The following EPHA6 variants were observed in gnomAD, a reference collection of about 807,000 sequenced individuals.
EPHA6 encodes ephrin type-A receptor 6.
EPHA6 carries 50 observed loss-of-function variants against 112.0 expected under a neutral mutation model. The observed-to-expected ratio is 0.45, with a 90% CI of 0.36 to 0.56. The LOEUF (loss-of-function observed/expected upper bound fraction) is 0.56, where lower values mean the gene tolerates loss of function less well. Ranked by LOEUF, EPHA6 falls within the 20% of genes least tolerant of loss-of-function variation. EPHA6 has a pLI of 0.00. For synonymous variants in EPHA6, 529 were observed against 490.7 expected (o/e 1.08, Z -1.03); for missense variants, 1,280 against 1,417.4 (o/e 0.90, Z 1.56).
intron 14 of EPHA6, among the ~76,000 whole-genome samples, chr3:97,660,162 A>G (rs542598703): frequency 6.6e-6 from 1 of 152,212 alleles, no homozygotes; most frequent in South Asian, 2.1e-4. Flanking sequence ...TGTAACAACC[A>G]TATATAATAG....
intron 2 of EPHA6, among the ~76,000 whole-genome samples, chr3:96,974,949 G>T (rs1157252771): frequency 6.6e-6 from 1 of 152,116 alleles, no homozygotes; most frequent in Non-Finnish European, 1.5e-5. Flanking sequence ...CCCAGAGAGG[G>T]GGTCAGTGCA....
At chr3:97,207,065 C>A (rs2077733164) in intron 3 of EPHA6, among the ~76,000 whole-genome samples, 1 of 151,982 alleles carries the variant, frequency 6.6e-6, no homozygotes, top group African/African-American at 2.4e-5. Context: ...GTGTATATTA[C>A]AATTTGCAAA....
At chr3:97,611,303 T>C (rs961395445) in intron 13 of EPHA6, among the ~76,000 whole-genome samples, 2 of 151,894 alleles carry the variant, frequency 1.3e-5, no homozygotes, top group African/African-American at 4.8e-5. Flanking sequence ...TTCTATCAAC[T>C]TTGTCCTTCT....
At chr3:97,059,815 C>A (rs974241758) in intron 3 of EPHA6, among the ~76,000 whole-genome samples, 1 of 151,200 alleles carries the variant, frequency 6.6e-6, no homozygotes, top group Non-Finnish European at 1.5e-5. Context: ...TGAGCATATC[C>A]ATAGTAAAAT....
chr3:96,937,172 G>A (rs1177715163), intron 2 of EPHA6, among the ~76,000 whole-genome samples: 1 of 152,254 alleles, frequency 6.6e-6, no homozygotes, highest in African/African-American at 2.4e-5. Context: ...CTAGATCCCT[G>A]AGGAATCGCC....
intron 7 of EPHA6, among the ~76,000 whole-genome samples, chr3:97,461,487 A>C (rs1310011834): frequency 6.6e-6 from 1 of 152,136 alleles, no homozygotes; most frequent in African/African-American, 2.4e-5. Flanking sequence ...TTAACAACAG[A>C]AGAGTATCCA....
rs377271675 is a variant in EPHA6 at position 97,646,193 on chromosome 3, C to T, written c.2784+8111C>T. 13 of 1,535,408 alleles carry T rather than the reference C, an allele frequency of 8.5e-6. No individual in the cohort carries two copies. In the African/African-American group the frequency reaches 1.1e-4, roughly 13 times the overall value. On this transcript the variant is annotated intron_variant, in intron 14 of 17. Coordinates refer to ENST00000389672, the MANE Select transcript of EPHA6 (RefSeq NM_001080448.3). Reference sequence around the variant, plus strand: ...GTCTGGAAAGCTTGTGTGAGCAGTGCGAGTCCAGCTCTGGTTATGGTACTG... The same window carrying T: ...GTCTGGAAAGCTTGTGTGAGCAGTGTGAGTCCAGCTCTGGTTATGGTACTG...
chr3:97,191,721 T>C (rs1035498816), intron 3 of EPHA6, among the ~76,000 whole-genome samples: 2 of 152,166 alleles, frequency 1.3e-5, no homozygotes, highest in African/African-American at 2.4e-5. Context: ...TATTCATCTG[T>C]TACCATTAAC....
intron 12 of EPHA6, among the ~76,000 whole-genome samples, chr3:97,604,550 G>A (rs1015753394): frequency 2.0e-5 from 3 of 151,486 alleles, no homozygotes; most frequent in African/African-American, 4.8e-5. Flanking sequence ...TAATACAGAA[G>A]CAGATACCTA....
intron 14 of EPHA6, among the ~76,000 whole-genome samples, chr3:97,663,914 T>A (rs2094187842): frequency 1.3e-5 from 2 of 152,178 alleles, no homozygotes; most frequent in African/African-American, 4.8e-5. Flanking sequence ...TGCCACACCG[T>A]CTTCCACAAT....
intron 6 of EPHA6, among the ~76,000 whole-genome samples, chr3:97,408,617 A>T (rs2087516110): frequency 6.6e-6 from 1 of 152,062 alleles, no homozygotes. Context: ...AGGCTCCAGA[A>T]GCTTTGGCAT....
At chr3:96,946,428 C>T (rs542918343) in intron 2 of EPHA6, among the ~76,000 whole-genome samples, 1 of 150,040 alleles carries the variant, frequency 6.7e-6, no homozygotes, top group Admixed American at 6.7e-5. Context: ...TGCGGTGTTT[C>T]GTTTTTTGTT....
chr3:97,219,894 C>A (rs554505892), intron 3 of EPHA6, among the ~76,000 whole-genome samples: 1 of 152,192 alleles, frequency 6.6e-6, no homozygotes, highest in South Asian at 2.1e-4. Context: ...AATTTCAAAC[C>A]ATCTCTTTGT....
intron 11 of EPHA6, chr3:97,570,012 C>T (rs745600810): frequency 2.0e-5 from 3 of 152,116 alleles, no homozygotes; most frequent in Non-Finnish European, 2.9e-5. Context: ...AAATTTCTCA[C>T]GTGTAGAATC....
At chr3:97,596,051 G>A (rs562119067) in intron 12 of EPHA6, among the ~76,000 whole-genome samples, 7 of 151,736 alleles carry the variant, frequency 4.6e-5, no homozygotes, top group East Asian at 2.0e-4. Flanking sequence ...GACTACAGGC[G>A]CCCGCCACCG....
intron 6 of EPHA6, among the ~76,000 whole-genome samples, chr3:97,417,037 G>T (rs1349287618): frequency 6.6e-6 from 1 of 151,902 alleles, no homozygotes; most frequent in East Asian, 1.9e-4. Context: ...ATATTAGTTT[G>T]GAATGAATCC....
At chr3:97,219,523 A>G (rs898378561) in intron 3 of EPHA6, among the ~76,000 whole-genome samples, 7 of 152,194 alleles carry the variant, frequency 4.6e-5, no homozygotes, top group Admixed American at 6.5e-5. Context: ...CTGAAGCAAT[A>G]GCCCAAGCTG....
chr3:97,203,582 A>C (rs966097776), intron 3 of EPHA6, among the ~76,000 whole-genome samples: 2 of 152,250 alleles, frequency 1.3e-5, no homozygotes, highest in Admixed American at 1.3e-4. Context: ...AATGCAGAAA[A>C]AAATCTAATG....
chr3:97,722,750 C>T (rs568536825), intron 15 of EPHA6, among the ~76,000 whole-genome samples: 26 of 151,846 alleles, frequency 1.7e-4, no homozygotes, highest in African/African-American at 6.0e-4. Context: ...ATATATATTG[C>T]AAAATATATT....
Sources: gnomAD v4.1 joint callset for allele counts (sites outside exome capture counted in the v4.1 genomes callset) on GRCh38, gnomAD v4.1.1 for gene constraint, MANE v1.5 for transcripts, NCBI Gene and HGNC (gene_info 2026-07-23, HGNC 2026-07-21) for gene names.